Variants in COG6 observed in about 807,000 individuals in gnomAD.
COG6 encodes the protein component of oligomeric golgi complex 6.
Under a neutral mutation model 88.8 loss-of-function variants are expected in COG6, and 74 were observed. The ratio of observed to expected loss-of-function variants is 0.83; its 90% CI spans 0.69 to 1.01. The LOEUF is 1.01. COG6 is among the 50% of genes least tolerant of loss of function. COG6 has a pLI of 0.00. For missense variants in COG6, 800 were observed against 797.9 expected (o/e 1.00, Z -0.03); for synonymous variants, 286 against 278.7 (o/e 1.03, Z -0.26).
rs1880589338 is a variant in COG6 at position 39,750,964 on chromosome 13, A to G, written c.1845A>G (p.Gln615=). Residue 615 remains glutamine, a synonymous_variant, in exon 19 of 19, where the codon CAA becomes CAG. Transcript: ENST00000455146. ...TCAATAGAGAGCAGATCGTAAAACAATCTACAGAATTAGTCTGCAGAGCCT... is the reference window on the plus strand; with the variant it reads ...TCAATAGAGAGCAGATCGTAAAACAGTCTACAGAATTAGTCTGCAGAGCCT... The part of the protein sequence containing the change: ...SATVKEQIVK[Q]STELVCRAYG... The G allele has an allele frequency of 6.2e-7, 1 of 1,613,510 alleles. No homozygotes were observed. The highest frequency in any genetic ancestry group is 1.1e-5 in the South Asian group (1 of 91,062).
chr13:39,660,993 A>G (rs1593404390), intron 3 of COG6, 112 bp downstream of exon 3: 1 of 701,086 alleles, frequency 1.4e-6, no homozygotes. Flanking sequence ...AAATTTGGGT[A>G]TAAATATAAT....
chr13:39,669,072 TGTGAGAAAA>T (rs1483964464), intron 4 of COG6, among the ~76,000 whole-genome samples: 2 of 152,202 alleles, frequency 1.3e-5, no homozygotes, highest in Non-Finnish European at 2.9e-5. Context: ...GGGTGGACAG[TGTGAGAAAA>T]GTTGCAGACT....
Position 39,751,835 on chromosome 13 carries a change from A to T in COG6, c.*742A>T. On this transcript the variant is annotated 3_prime_UTR_variant, in exon 19 of 19. Coordinates refer to ENST00000455146, the MANE Select transcript of COG6 (RefSeq NM_020751.3). ...CTCAAGGTGGAGCTCAGCCTTTCCAATGAGCTCTAAGCATGTAGATAGCCT... is the reference window on the plus strand; with the variant it reads ...CTCAAGGTGGAGCTCAGCCTTTCCATTGAGCTCTAAGCATGTAGATAGCCT... The T allele has an allele frequency of 7.8e-7, 1 of 1,287,158 alleles. No individual in the cohort carries two copies. Among genetic ancestry groups the T allele is most frequent in the Non-Finnish European group, 1.0e-6 (1 of 988,660 alleles). 79.7% of individuals were successfully genotyped at this position (1,287,158 alleles called of 1,614,324 possible). A position where few individuals can be genotyped will look rare whatever the true frequency, so the allele number is the denominator to read the frequency against.
At chr13:39,687,880 T>A in intron 10 of COG6, 81 bp downstream of exon 10, 1 of 974,504 alleles carries the variant, frequency 1.0e-6, no homozygotes, top group Non-Finnish European at 1.6e-6. Flanking sequence ...GTTGCCATCT[T>A]CTTCACTTAG....
chr13:39,743,356 G>A lies in COG6; in HGVS notation c.1827-7590G>A, dbSNP rs529855392. On this transcript the variant is annotated intron_variant, in intron 18 of 18. Transcript: ENST00000455146. ...GATCAACAAAATTGATAGACGGCTA[G>A]CAAGACTAATAAAGAAGAAAAGAGA... Among the ~76,000 whole-genome samples the A allele has an allele frequency of 3.0e-3, 451 of 152,172 alleles. 3 individuals carry two copies. Among genetic ancestry groups the A allele is most frequent in the Non-Finnish European group, 5.1e-3 (346 of 68,006 alleles).
At position 39,677,580 on chromosome 13, in the gene COG6, G is replaced by T; in HGVS notation, c.540+1G>T. ...TACAAGAGAAGGACCCATTACTGAG[G>T]TATCCTGGCTTTCTGTTATAATCAT... On this transcript the variant is annotated splice_donor_variant, in intron 5 of 18. Coordinates refer to ENST00000455146, the MANE Select transcript of COG6 (RefSeq NM_020751.3). LOFTEE classifies it high-confidence loss of function. The T allele has an allele frequency of 6.5e-7, 1 of 1,547,556 alleles. No homozygotes were observed. The highest frequency in any genetic ancestry group is 1.4e-5 in the African/African-American group (1 of 73,454).
chr13:39,661,493 C>G (rs1304737180), intron 3 of COG6, among the ~76,000 whole-genome samples: 2 of 152,128 alleles, frequency 1.3e-5, no homozygotes, highest in Non-Finnish European at 2.9e-5. Flanking sequence ...CGATTGACAT[C>G]AACAGTGATT....
At chr13:39,770,785 G>T (rs1566045161) in intron 18 of COG6, among the ~76,000 whole-genome samples, 1 of 152,162 alleles carries the variant, frequency 6.6e-6, no homozygotes, top group Non-Finnish European at 1.5e-5. Context: ...AAATGAAAAA[G>T]GCCTAAGATC....
intron 17 of COG6, 71 bp from the exon 18 acceptor site, chr13:39,727,398 G>A (rs879653674): frequency 3.1e-5 from 33 of 1,069,140 alleles, no homozygotes; most frequent in Non-Finnish European, 5.8e-6. Flanking sequence ...TCTTAAAAGA[G>A]ATGTTTATAT....
intron 17 of COG6, among the ~76,000 whole-genome samples, chr13:39,726,400 G>A (rs963325412): frequency 1.3e-5 from 2 of 151,910 alleles, no homozygotes; most frequent in Non-Finnish European, 2.9e-5. Context: ...ACAGTTATGT[G>A]TTATGATAAT....
intron 13 of COG6, among the ~76,000 whole-genome samples, chr13:39,716,963 T>G (rs1044800225): frequency 6.6e-6 from 1 of 152,192 alleles, no homozygotes; most frequent in Admixed American, 6.5e-5. Flanking sequence ...TTTCTTTATG[T>G]GGATCGAGTT....
At chr13:39,737,966 C>G (rs926466379) in intron 18 of COG6, among the ~76,000 whole-genome samples, 1 of 152,156 alleles carries the variant, frequency 6.6e-6, no homozygotes, top group Non-Finnish European at 1.5e-5. Context: ...GTCCCACAAT[C>G]ACTCTTTTTT....
chr13:39,712,242 A>G (rs1878284560), intron 13 of COG6, among the ~76,000 whole-genome samples: 1 of 152,078 alleles, frequency 6.6e-6, no homozygotes, highest in African/African-American at 2.4e-5. Context: ...CATCTTTAAT[A>G]CTGTACTTAT....
chr13:39,780,957 G>A (rs1180210764), intron 18 of COG6, among the ~76,000 whole-genome samples: 1 of 152,152 alleles, frequency 6.6e-6, no homozygotes, highest in Non-Finnish European at 1.5e-5. Flanking sequence ...TGGATGAACT[G>A]TTGCTAACTA....
chr13:39,742,868 A>G (rs1001701805), intron 18 of COG6, among the ~76,000 whole-genome samples: 3 of 152,210 alleles, frequency 2.0e-5, no homozygotes, highest in Non-Finnish European at 4.4e-5. Flanking sequence ...AGCACTCCTC[A>G]GCAAATATAA....
At chr13:39,742,154 G>A (rs550261829) in intron 18 of COG6, among the ~76,000 whole-genome samples, 166 of 152,118 alleles carry the variant, frequency 1.1e-3, no homozygotes, top group African/African-American at 3.7e-3. Context: ...AAAACATGCC[G>A]AACTGTAAAG....
At chr13:39,748,807 A>G (rs1247107388) in intron 18 of COG6, among the ~76,000 whole-genome samples, 1 of 152,138 alleles carries the variant, frequency 6.6e-6, no homozygotes, top group Non-Finnish European at 1.5e-5. Flanking sequence ...CAATTTTTGG[A>G]AAATGTCAAG....
intron 18 of COG6, among the ~76,000 whole-genome samples, chr13:39,758,697 A>G (rs779268071): frequency 1.3e-5 from 2 of 152,214 alleles, no homozygotes; most frequent in Non-Finnish European, 2.9e-5. Context: ...CAAAAGAGTT[A>G]TGATATGACC....
chr13:39,662,624 G>A (rs547915643), intron 3 of COG6, among the ~76,000 whole-genome samples: 19 of 152,226 alleles, frequency 1.2e-4, no homozygotes, highest in African/African-American at 4.1e-4. Flanking sequence ...CTATAATCAA[G>A]ATACAGAACA....
Sources: allele counts gnomAD v4.1 joint callset (sites outside exome capture counted in the v4.1 genomes callset), GRCh38; gene constraint gnomAD v4.1.1; transcripts MANE v1.5; gene names NCBI Gene and HGNC (gene_info 2026-07-23, HGNC 2026-07-21).